Variants in SRD5A2 observed in about 807,000 individuals in gnomAD.
The protein encoded by SRD5A2 is 3-oxo-5-alpha-steroid 4-dehydrogenase 2.
SRD5A2 carries 30 observed loss-of-function variants against 27.4 expected under a neutral mutation model. That is an observed-to-expected ratio of 1.10 (90% CI 0.82 to 1.49). SRD5A2 has a LOEUF of 1.49. Ranked by LOEUF, SRD5A2 falls within the 40% of genes most tolerant of loss-of-function variation. The probability of loss-of-function intolerance (pLI) is 0.00; values close to 1 mark genes in which losing one functional copy is unlikely to be tolerated. For missense variants in SRD5A2, 348 were observed against 323.4 expected (o/e 1.08, Z -0.58); for synonymous variants, 141 against 133.6 (o/e 1.06, Z -0.38).
At chr2:31,567,979 A>C (rs1666770593) in intron 1 of SRD5A2, among the ~76,000 whole-genome samples, 1 of 152,184 alleles carries the variant, frequency 6.6e-6, no homozygotes, top group Non-Finnish European at 1.5e-5. Context: ...GCCACTGTGC[A>C]CAGCCAGGCA....
intron 3 of SRD5A2, 135 bp from the exon 4 acceptor site, chr2:31,529,592 A>C: frequency 8.1e-7 from 1 of 1,230,630 alleles, no homozygotes; most frequent in Non-Finnish European, 1.1e-6. Context: ...TAGTCATAGG[A>C]GTTTGGTGGA....
rs1430975484 is a variant in SRD5A2, at chr2:31,525,363, G to A, written c.*833C>T. On this transcript the variant is annotated 3_prime_UTR_variant, in exon 5 of 5. Transcript: ENST00000622030. Reference sequence around the variant, plus strand: ...TATTGCCACTAGTTTCCAAAAACATGAGAGTTTGCAATGTCTATTGTAAAA... The same window carrying A: ...TATTGCCACTAGTTTCCAAAAACATAAGAGTTTGCAATGTCTATTGTAAAA... The A allele has an allele frequency of 8.8e-6, 2 of 226,850 alleles. No individual in the cohort carries two copies. The highest frequency in any genetic ancestry group is 1.8e-5 in the Non-Finnish European group (2 of 114,066). The allele number at this position is 226,850 out of a possible 1,614,324, so 14.1% of individuals were successfully genotyped here.
chr2:31,526,412 C>A, intron 4 of SRD5A2, 150 bp from the exon 5 acceptor site: 1 of 632,856 alleles, frequency 1.6e-6, no homozygotes, highest in Non-Finnish European at 2.9e-6. Flanking sequence ...ATTTCTCCTT[C>A]CCACAGCCTA....
At chr2:31,634,476 A>T in the SRD5A2 span, among the ~76,000 whole-genome samples, 1 of 152,276 alleles carries the variant, frequency 6.6e-6, no homozygotes, top group Non-Finnish European at 1.5e-5. Context: ...TTTTGAAGAA[A>T]TATTAAAAGA....
At chr2:31,633,869 T>G in the SRD5A2 span, among the ~76,000 whole-genome samples, 39 of 152,218 alleles carry the variant, frequency 2.6e-4, no homozygotes, top group African/African-American at 9.1e-4. Context: ...ACCAATCAGG[T>G]AGTAAAGAGA....
At chr2:31,540,892 T>G (rs1666115956) in intron 1 of SRD5A2, among the ~76,000 whole-genome samples, 1 of 152,208 alleles carries the variant, frequency 6.6e-6, no homozygotes, top group South Asian at 2.1e-4. Context: ...GTGCTTAGAT[T>G]GATGATTGCT....
chr2:31,559,431 CTAAG>C, intron 1 of SRD5A2, among the ~76,000 whole-genome samples: 1 of 152,156 alleles, frequency 6.6e-6, no homozygotes, highest in South Asian at 2.1e-4. Context: ...GTGTTTCTTA[CTAAG>C]TGATACCATA....
intron 1 of SRD5A2, among the ~76,000 whole-genome samples, chr2:31,578,796 A>T (rs1042022340): frequency 2.0e-5 from 3 of 150,846 alleles, no homozygotes; most frequent in Non-Finnish European, 4.4e-5. Context: ...GTTTTTTTTT[A>T]AATGCACCGG....
the SRD5A2 span, among the ~76,000 whole-genome samples, chr2:31,627,401 C>A: frequency 6.6e-6 from 1 of 150,640 alleles, no homozygotes; most frequent in African/African-American, 2.4e-5. Flanking sequence ...TTTCATAGAA[C>A]AGCTCCTGTA....
upstream of SRD5A2, among the ~76,000 whole-genome samples, chr2:31,582,721 C>A (rs12468405): frequency 2.4e-3 from 372 of 152,288 alleles, 8 homozygotes; most frequent in Admixed American, 0.021. Flanking sequence ...ACCAGCCCTA[C>A]CCAAAACTAA....
the SRD5A2 span, among the ~76,000 whole-genome samples, chr2:31,632,381 T>C: frequency 6.6e-6 from 1 of 152,152 alleles, no homozygotes; most frequent in African/African-American, 2.4e-5. Context: ...ATTGTCCAAA[T>C]AGAAATAAGC....
At chr2:31,646,392 A>C in the SRD5A2 span, among the ~76,000 whole-genome samples, 2 of 151,896 alleles carry the variant, frequency 1.3e-5, no homozygotes, top group Non-Finnish European at 2.9e-5. Flanking sequence ...CATGGTTCCC[A>C]CTCCCAACTC....
intron 1 of SRD5A2, among the ~76,000 whole-genome samples, chr2:31,545,540 C>T (rs1666230372): frequency 6.6e-6 from 1 of 152,084 alleles, no homozygotes; most frequent in African/African-American, 2.4e-5. Context: ...ATGATAAAAG[C>T]ACCAACCAAA....
chr2:31,597,997 G>T, the SRD5A2 span, among the ~76,000 whole-genome samples: 1 of 152,012 alleles, frequency 6.6e-6, no homozygotes, highest in Non-Finnish European at 1.5e-5. Flanking sequence ...AAAGATACTT[G>T]CACACACGTT....
At chr2:31,561,999 A>C (rs1666633999) in intron 1 of SRD5A2, among the ~76,000 whole-genome samples, 1 of 152,152 alleles carries the variant, frequency 6.6e-6, no homozygotes, top group Non-Finnish European at 1.5e-5. Context: ...AGAAAATACA[A>C]ATATTGACAT....
At chr2:31,603,172 CA>C in the SRD5A2 span, among the ~76,000 whole-genome samples, 1 of 151,978 alleles carries the variant, frequency 6.6e-6, no homozygotes, top group Admixed American at 6.6e-5. Flanking sequence ...ATCCATCTGA[CA>C]AAGGTCTAAT....
the SRD5A2 span, among the ~76,000 whole-genome samples, chr2:31,631,926 T>C: frequency 1.3e-5 from 2 of 152,104 alleles, no homozygotes; most frequent in Admixed American, 6.5e-5. Context: ...TAAGGAAAAC[T>C]AGGAAGAAGC....
chr2:31,583,567 C>G (rs756523238), upstream of SRD5A2, among the ~76,000 whole-genome samples: 3 of 134,826 alleles, frequency 2.2e-5, no homozygotes, highest in Admixed American at 8.3e-5. Context: ...TACAGATTAT[C>G]AGCATATCAG....
At chr2:31,559,439 T>C (rs1666570112) in intron 1 of SRD5A2, among the ~76,000 whole-genome samples, 1 of 152,206 alleles carries the variant, frequency 6.6e-6, no homozygotes, top group African/African-American at 2.4e-5. Context: ...TACTAAGTGA[T>C]ACCATATTTT....
Sources: gnomAD v4.1 joint callset for allele counts (sites outside exome capture counted in the v4.1 genomes callset) on GRCh38, gnomAD v4.1.1 for gene constraint, MANE v1.5 for transcripts, NCBI Gene and HGNC (gene_info 2026-07-23, HGNC 2026-07-21) for gene names.